The following CDH8 variants were observed in gnomAD, a reference collection of about 807,000 sequenced individuals.
The protein encoded by CDH8 is cadherin-8.
A neutral mutation model predicts 68.1 loss-of-function variants in CDH8; 17 were observed. The ratio of observed to expected loss-of-function variants is 0.25; its 90% CI spans 0.17 to 0.37. The LOEUF (loss-of-function observed/expected upper bound fraction) is 0.37, where lower values mean the gene tolerates loss of function less well. Ranked by LOEUF, CDH8 falls within the 10% of genes least tolerant of loss-of-function variation. The pLI, the probability that CDH8 is intolerant of heterozygous loss-of-function variation, is 1.00. For missense variants in CDH8, 763 were observed against 999.3 expected (o/e 0.76, Z 3.19); for synonymous variants, 372 against 365.1 (o/e 1.02, Z -0.21).
Position 61,913,295 on chromosome 16 carries a change from T to C in CDH8, c.253-11822A>G, listed in dbSNP as rs566093431. Among the ~76,000 whole-genome samples the C allele has an allele frequency of 2.6e-5, 4 of 152,318 alleles. 1 individual carries two copies. The East Asian group carries it at 7.7e-4, about 29-fold the overall frequency. ...AGATTTTCTACTGGTGGAATCATCT[T>C]GGTAATCAAAAAGTTTTAAATTTTG... On this transcript the variant is annotated intron_variant, in intron 2 of 11. Transcript: ENST00000577390.
chr16:61,834,391 G>A (rs974053357), intron 4 of CDH8, among the ~76,000 whole-genome samples: 1 of 151,874 alleles, frequency 6.6e-6, no homozygotes, highest in South Asian at 2.1e-4. Context: ...TGGTTTGCCA[G>A]AAGAAGGACA....
At position 61,825,151 on chromosome 16, in the gene CDH8, C is replaced by T. The variant is rs1184776096; in HGVS notation, c.696G>A (p.Met232Ile). ...GGTACTCCTCCTTGGCTTCTCTGTC[C>T]ATGTTGGGAAGGGCAGTTTTTATAA... Reference protein sequence around the residue: ...TAIIKTALPNMDREAKEEYLV... With the variant: ...TAIIKTALPNIDREAKEEYLV... The change falls in exon 5 of 12, where the codon ATG (methionine) becomes ATA (isoleucine). Residue 232 changes from methionine to isoleucine, a missense_variant. By Grantham distance (10) the Met-to-Ile change is conservative. This residue lies in a region of CDH8 where 366 missense variants were observed against 563.1 expected (regional missense o/e 0.65). Transcript: ENST00000577390. The T allele has an allele frequency of 6.2e-7, 1 of 1,607,730 alleles. No homozygotes were observed. Among genetic ancestry groups the T allele is most frequent in the Non-Finnish European group, 8.5e-7 (1 of 1,177,726 alleles).
intron 4 of CDH8, among the ~76,000 whole-genome samples, chr16:61,839,981 C>T (rs1313855932): frequency 2.0e-5 from 3 of 152,116 alleles, no homozygotes; most frequent in Admixed American, 2.0e-4. Flanking sequence ...ATCTACCTTG[C>T]CTGCCCCTCT....
intron 9 of CDH8, among the ~76,000 whole-genome samples, chr16:61,717,702 T>C (rs1235314953): frequency 2.0e-5 from 3 of 151,452 alleles, no homozygotes; most frequent in Non-Finnish European, 1.5e-5. Flanking sequence ...GTAGATATTA[T>C]TTATCAATAT....
Position 61,650,672 on chromosome 16 carries a change from TG to T in CDH8, c.*2935del, listed in dbSNP as rs1222185191. 4.7e-5 allele frequency: 3 copies of T among 64,320 alleles called. No homozygotes were observed. Among genetic ancestry groups the T allele is most frequent in the Non-Finnish European group, 1.2e-4 (3 of 25,166 alleles). The allele number at this position is 64,320 out of a possible 1,614,324, so 4.0% of individuals were successfully genotyped here. ...AAATGTGTGTTTTTTATTTGTTTGT[TG>T]TGTGTGTGTGTGTGTGTGTGTGTGT... On this transcript the variant is annotated 3_prime_UTR_variant, in exon 12 of 12. Transcript: ENST00000577390.
intron 3 of CDH8, among the ~76,000 whole-genome samples, chr16:61,863,232 G>C (rs186478710): frequency 1.3e-5 from 2 of 151,920 alleles, no homozygotes; most frequent in Admixed American, 1.3e-4. Flanking sequence ...TGTGCTGCTC[G>C]GATTTTAATT....
intron 10 of CDH8, among the ~76,000 whole-genome samples, chr16:61,664,888 T>C (rs1040400464): frequency 1.3e-5 from 2 of 152,076 alleles, no homozygotes; most frequent in Non-Finnish European, 2.9e-5. Flanking sequence ...TCTTTGATTA[T>C]TGATATTTCG....
chr16:61,769,015 T>A (rs1415090005), intron 8 of CDH8, among the ~76,000 whole-genome samples: 1 of 151,714 alleles, frequency 6.6e-6, no homozygotes, highest in Non-Finnish European at 1.5e-5. Context: ...TTTACCATAT[T>A]GTAAGTTGAA....
chr16:61,790,760 T>TTATG (rs987237820), intron 7 of CDH8, among the ~76,000 whole-genome samples: 14 of 152,120 alleles, frequency 9.2e-5, no homozygotes, highest in South Asian at 8.3e-4. Flanking sequence ...ATTGAAAACA[T>TTATG]TATGTATGTA....
intron 2 of CDH8, among the ~76,000 whole-genome samples, chr16:61,981,681 T>TGTGCGCGCGCGC (rs747443852): frequency 6.3e-5 from 9 of 141,858 alleles, no homozygotes; most frequent in African/African-American, 2.5e-4. Context: ...TGTGTGTGTG[T>TGTGCGCGCGCGC]GCGCGCGCGC....
intron 2 of CDH8, among the ~76,000 whole-genome samples, chr16:61,920,428 C>T (rs1267315179): frequency 8.1e-6 from 1 of 123,980 alleles, no homozygotes; most frequent in Non-Finnish European, 1.7e-5. Flanking sequence ...ACAACCCCAT[C>T]AAAAAGTGGG....
At chr16:62,034,706 G>A (rs1902411144) in intron 1 of CDH8, among the ~76,000 whole-genome samples, 1 of 152,116 alleles carries the variant, frequency 6.6e-6, no homozygotes, top group South Asian at 2.1e-4. Flanking sequence ...GCCTCCTAAG[G>A]AGGAAACTCT....
At chr16:61,946,703 C>G (rs1002650926) in intron 2 of CDH8, among the ~76,000 whole-genome samples, 4 of 152,082 alleles carry the variant, frequency 2.6e-5, no homozygotes, top group African/African-American at 9.7e-5. Flanking sequence ...ATACATTAAC[C>G]CTCTTGATCC....
intron 3 of CDH8, among the ~76,000 whole-genome samples, chr16:61,882,828 C>T (rs2143140076): frequency 6.6e-6 from 1 of 152,286 alleles, no homozygotes; most frequent in East Asian, 1.9e-4. Flanking sequence ...CCATGCCACA[C>T]ATTTACCTAT....
chr16:61,768,352 CTCTCTCTCTCTCTCT>C (rs1960664472), intron 8 of CDH8, among the ~76,000 whole-genome samples: 4 of 113,744 alleles, frequency 3.5e-5, no homozygotes, highest in African/African-American at 7.0e-5. Flanking sequence ...CTCTCTCTCT[CTCTCTCTCTCTCTCT>C]CCCTTTCTCT....
chr16:61,886,356 T>A (rs2143163298), intron 3 of CDH8, among the ~76,000 whole-genome samples: 1 of 152,360 alleles, frequency 6.6e-6, no homozygotes, highest in African/African-American at 2.4e-5. Flanking sequence ...ACACACTGTT[T>A]ACATAGCCAG....
chr16:61,665,168 T>A lies in CDH8; in HGVS notation c.1655-9447A>T, dbSNP rs540336735. Among the ~76,000 whole-genome samples, 43 of 151,942 alleles carry A rather than the reference T, an allele frequency of 2.8e-4. 1 individual carries two copies. The South Asian group carries it at 7.7e-3, about 27-fold the overall frequency. ...AGAAGAGACACTAAAGACCTTCTGC[T>A]AGCTGTTTCTCTCTGTGGGCACACA... On this transcript the variant is annotated intron_variant, in intron 10 of 11. Coordinates refer to ENST00000577390, the MANE Select transcript of CDH8 (RefSeq NM_001796.5).
intron 4 of CDH8, among the ~76,000 whole-genome samples, chr16:61,839,481 T>A (rs1789391879): frequency 6.6e-6 from 1 of 152,176 alleles, no homozygotes; most frequent in Non-Finnish European, 1.5e-5. Flanking sequence ...TCCATTTCAA[T>A]TGTGAGTGGA....
intron 2 of CDH8, among the ~76,000 whole-genome samples, chr16:61,994,498 G>A (rs984176359): frequency 1.3e-5 from 2 of 152,244 alleles, no homozygotes; most frequent in Admixed American, 1.3e-4. Flanking sequence ...CCTATTACAG[G>A]CCAAGGAAAA....
Sources: gnomAD v4.1 joint callset for allele counts (sites outside exome capture counted in the v4.1 genomes callset) on GRCh38, gnomAD v4.1.1 for gene constraint, gnomAD v4.1.1 regional missense constraint, MANE v1.5 for transcripts, NCBI Gene and HGNC (gene_info 2026-07-23, HGNC 2026-07-21) for gene names.